HACE1: variants seen among roughly 807,000 people sequenced by gnomAD.
HACE1 encodes E3 ubiquitin-protein ligase HACE1.
In HACE1, 73 loss-of-function variants were observed where a neutral mutation model predicts 118.4. The ratio of observed to expected loss-of-function variants is 0.62; its 90% CI spans 0.51 to 0.75. The LOEUF (loss-of-function observed/expected upper bound fraction) is 0.75, where lower values mean the gene tolerates loss of function less well. HACE1 is among the 30% of genes least tolerant of loss of function. HACE1 has a pLI of 0.00. For missense variants in HACE1, 749 were observed against 1,102.2 expected, an observed-to-expected ratio of 0.68 and a Z score of 4.54; for synonymous variants, 368 against 374.8, an observed-to-expected ratio of 0.98 and a Z score of 0.21.
In HACE1 at chr6:104,806,921, G is replaced by C. The variant is rs541859937; in HGVS notation, c.617+4390C>G. Among the ~76,000 whole-genome samples the C allele has an allele frequency of 3.9e-5, 6 of 151,948 alleles. No individual in the cohort carries two copies. The South Asian group carries it at 1.2e-3, about 32-fold the overall frequency. ...ATTTGGCATAAGTATAAATAGTCCA[G>C]ACAGTTGTAATATTATTGGGAATGG... On this transcript the variant is annotated intron_variant, in intron 7 of 23. Coordinates refer to ENST00000262903, the MANE Select transcript of HACE1 (RefSeq NM_020771.4).
intron 6 of HACE1, among the ~76,000 whole-genome samples, chr6:104,817,785 A>G (rs1772275138): frequency 6.6e-6 from 1 of 152,246 alleles, no homozygotes; most frequent in Non-Finnish European, 1.5e-5. Flanking sequence ...ACAGTTCACT[A>G]CTTGACTGAG....
At chr6:104,818,782 C>G (rs965459078) in intron 6 of HACE1, among the ~76,000 whole-genome samples, 1 of 151,832 alleles carries the variant, frequency 6.6e-6, no homozygotes, top group Non-Finnish European at 1.5e-5. Context: ...AGACAAAAAC[C>G]ACATGATTAT....
intron 21 of HACE1, 73 bp downstream of exon 21, chr6:104,744,439 C>A (rs904241561): frequency 8.8e-6 from 8 of 912,152 alleles, no homozygotes; most frequent in Non-Finnish European, 1.3e-5. Context: ...AAGTTTTCAT[C>A]CAATAGTGCT....
At chr6:104,748,876 C>G (rs1270844500) in intron 20 of HACE1, among the ~76,000 whole-genome samples, 2 of 152,066 alleles carry the variant, frequency 1.3e-5, no homozygotes, top group Non-Finnish European at 2.9e-5. Flanking sequence ...AATGGTTACC[C>G]TTAAGGTGGG....
Position 104,833,144 on chromosome 6 carries a change from T to C in HACE1, c.432A>G (p.Thr144=), listed in dbSNP as rs1269176949. Residue 144 remains threonine, a synonymous_variant, in exon 6 of 24, where the codon ACA becomes ACG. Coordinates refer to ENST00000262903, the MANE Select transcript of HACE1 (RefSeq NM_020771.4). ...AIHWLAVNGR[T]ELLHDLVQHV... is the part of the protein sequence containing the mutation. Reference sequence around the variant, plus strand: ...GCTGCACAAGGTCATGGAGTAGTTCTGTCCGCCCATTCACAGCCAGCCAAT... The same window carrying C: ...GCTGCACAAGGTCATGGAGTAGTTCCGTCCGCCCATTCACAGCCAGCCAAT... The C allele has an allele frequency of 2.5e-6, 4 of 1,613,940 alleles. No homozygotes were observed. Among genetic ancestry groups the C allele is most frequent in the African/African-American group, 1.3e-5 (1 of 75,070 alleles).
At chr6:104,825,528 G>A (rs1022472254) in intron 6 of HACE1, among the ~76,000 whole-genome samples, 1 of 152,216 alleles carries the variant, frequency 6.6e-6, no homozygotes, top group Non-Finnish European at 1.5e-5. Flanking sequence ...ATGCACAGAA[G>A]TGCAACTTTG....
rs9499992 is a variant in HACE1 at position 104,852,375 on chromosome 6, A to G, written c.77-4T>C. The G allele has an allele frequency of 0.21, 307,121 of 1,483,876 alleles. 32,327 individuals are homozygous for G. Among genetic ancestry groups the G allele is most frequent in the African/African-American group, 0.41 (24,855 of 60,258 alleles). 91.9% of individuals were successfully genotyped at this position (1,483,876 alleles called of 1,614,324 possible). The stretch of plus-strand genomic sequence containing the variant: ...GTATAAACAGCAGTTTCATTATCTG[A>G]GTAAAAAAAAACAAAGAGTTCATTT... On this transcript the variant is annotated splice_polypyrimidine_tract_variant and splice_region_variant and intron_variant, in intron 1 of 23. Coordinates refer to ENST00000262903, the MANE Select transcript of HACE1 (RefSeq NM_020771.4).
At chr6:104,836,440 C>T (rs994678633) in intron 5 of HACE1, among the ~76,000 whole-genome samples, 12 of 152,074 alleles carry the variant, frequency 7.9e-5, no homozygotes, top group Non-Finnish European at 1.2e-4. Context: ...AGGCCTGGCG[C>T]GGTGGCTCAC....
At chr6:104,810,750 C>T (rs919803930) in intron 7 of HACE1, among the ~76,000 whole-genome samples, 4 of 151,870 alleles carry the variant, frequency 2.6e-5, no homozygotes, top group Non-Finnish European at 5.9e-5. Flanking sequence ...AAAATGTACA[C>T]GTCAAGAAAA....
At chr6:104,752,746 T>C (rs1028250087) in intron 19 of HACE1, among the ~76,000 whole-genome samples, 1 of 152,136 alleles carries the variant, frequency 6.6e-6, no homozygotes, top group Non-Finnish European at 1.5e-5. Context: ...TATTTTTTAA[T>C]TAATTTTTAC....
At chr6:104,738,738 C>T (rs1255399735) in intron 22 of HACE1, among the ~76,000 whole-genome samples, 1 of 145,890 alleles carries the variant, frequency 6.9e-6, no homozygotes, top group Admixed American at 6.8e-5. Flanking sequence ...AGTTGGAAAA[C>T]ACTCTGCAGG....
chr6:104,753,988 G>T (rs935267365), intron 19 of HACE1, among the ~76,000 whole-genome samples: 15 of 152,130 alleles, frequency 9.9e-5, no homozygotes, highest in Non-Finnish European at 2.2e-4. Context: ...TTAACCCAAT[G>T]CAAAGAAGCT....
chr6:104,822,369 C>G (rs1438952031), intron 6 of HACE1, among the ~76,000 whole-genome samples: 1 of 140,128 alleles, frequency 7.1e-6, no homozygotes, highest in Non-Finnish European at 1.5e-5. Flanking sequence ...GGAGGCAGAG[C>G]AGGACTCCAT....
chr6:104,857,793 T>TA (rs1250211075), intron 1 of HACE1, among the ~76,000 whole-genome samples: 2 of 151,872 alleles, frequency 1.3e-5, no homozygotes, highest in Non-Finnish European at 2.9e-5. Flanking sequence ...CCGTCTCTAC[T>TA]AAAAATACAA....
intron 19 of HACE1, among the ~76,000 whole-genome samples, chr6:104,769,198 C>G (rs774770072): frequency 1.4e-4 from 21 of 151,950 alleles, no homozygotes; most frequent in Non-Finnish European, 2.2e-4. Flanking sequence ...CTAGGCCTGG[C>G]TAATTTTTTT....
chr6:104,753,235 A>G (rs951834215), intron 19 of HACE1, among the ~76,000 whole-genome samples: 3 of 152,196 alleles, frequency 2.0e-5, no homozygotes, highest in Admixed American at 2.0e-4. Context: ...GCGCTTTGGT[A>G]TCTCACTGGG....
chr6:104,849,519 T>TTTTTTTTTGTG, intron 3 of HACE1, among the ~76,000 whole-genome samples: 1 of 151,108 alleles, frequency 6.6e-6, no homozygotes, highest in African/African-American at 2.4e-5. Context: ...TTTTTTTTTT[T>TTTTTTTTTGTG]TTCTGTAGAG....
intron 19 of HACE1, among the ~76,000 whole-genome samples, chr6:104,761,650 T>A (rs917546144): frequency 6.6e-6 from 1 of 152,180 alleles, no homozygotes; most frequent in African/African-American, 2.4e-5. Flanking sequence ...AAAGACTTCA[T>A]GTCTAAAACA....
intron 20 of HACE1, among the ~76,000 whole-genome samples, chr6:104,749,987 A>C (rs1467961516): frequency 6.6e-6 from 1 of 152,164 alleles, no homozygotes; most frequent in Non-Finnish European, 1.5e-5. Context: ...AGTTAGTATC[A>C]GCGCCCTTTA....
Sources: gnomAD v4.1 joint callset for allele counts (sites outside exome capture counted in the v4.1 genomes callset) on GRCh38, gnomAD v4.1.1 for gene constraint, MANE v1.5 for transcripts, NCBI Gene and HGNC (gene_info 2026-07-23, HGNC 2026-07-21) for gene names.